LIN54: variants seen among roughly 807,000 people sequenced by gnomAD.
The protein encoded by LIN54 is protein lin-54 homolog.
A neutral mutation model predicts 78.7 loss-of-function variants in LIN54; 9 were observed. The observed-to-expected ratio is 0.11, with a 90% CI of 0.07 to 0.20. The LOEUF is 0.20. LIN54 is among the 10% of genes least tolerant of loss of function. The pLI, the probability that LIN54 is intolerant of heterozygous loss-of-function variation, is 1.00. For synonymous variants in LIN54, 269 were observed against 318.4 expected (o/e 0.84, Z 1.65); for missense variants, 573 against 889.9 (o/e 0.64, Z 4.53).
At chr4:82,931,744 C>T (rs550222912) in intron 11 of LIN54, among the ~76,000 whole-genome samples, 2 of 152,108 alleles carry the variant, frequency 1.3e-5, no homozygotes, top group Admixed American at 6.5e-5. Flanking sequence ...ATATAAAATC[C>T]TAGACCTTAT....
intron 3 of LIN54, among the ~76,000 whole-genome samples, chr4:82,971,521 T>C (rs1480308110): frequency 6.7e-6 from 1 of 150,316 alleles, no homozygotes; most frequent in Non-Finnish European, 1.5e-5. Context: ...TTTTTAAATT[T>C]TTTTTAAATT....
At chr4:82,945,666 G>C (rs1346711173) in intron 5 of LIN54, among the ~76,000 whole-genome samples, 2 of 151,902 alleles carry the variant, frequency 1.3e-5, no homozygotes, top group East Asian at 3.9e-4. Flanking sequence ...GCTAATTTTT[G>C]TATTTTTAGT....
chr4:83,002,206 G>GC (rs1728905037), intron 1 of LIN54, among the ~76,000 whole-genome samples: 1 of 151,626 alleles, frequency 6.6e-6, no homozygotes, highest in African/African-American at 2.4e-5. Context: ...TGAAGCTAAA[G>GC]CAAACAGTGA....
At chr4:83,000,494 G>C (rs1400549518) in intron 1 of LIN54, among the ~76,000 whole-genome samples, 1 of 152,176 alleles carries the variant, frequency 6.6e-6, no homozygotes, top group Non-Finnish European at 1.5e-5. Flanking sequence ...TCAGTGTTTT[G>C]TCCTTGAAGA....
intron 1 of LIN54, among the ~76,000 whole-genome samples, chr4:82,999,555 T>A (rs1728553736): frequency 6.6e-6 from 1 of 151,794 alleles, no homozygotes; most frequent in Non-Finnish European, 1.5e-5. Context: ...GGCAGGCAGA[T>A]CACTTGAGGT....
At chr4:82,947,233 A>ATTTTTTTTTTTT (rs1233101387) in intron 4 of LIN54, among the ~76,000 whole-genome samples, 22 of 16,852 alleles carry the variant, frequency 1.3e-3, no homozygotes, top group East Asian at 7.1e-3. Flanking sequence ...ATATATATAT[A>ATTTTTTTTTTTT]TATTTTTTTT....
intron 1 of LIN54, among the ~76,000 whole-genome samples, chr4:83,004,041 A>T (rs1729083010): frequency 6.6e-6 from 1 of 152,226 alleles, no homozygotes; most frequent in African/African-American, 2.4e-5. Flanking sequence ...TAAGAAAGAA[A>T]GACTTGCAGC....
At chr4:82,944,870 T>G (rs1475508162) in intron 5 of LIN54, 1 of 152,374 alleles carries the variant, frequency 6.6e-6, no homozygotes. Flanking sequence ...TGTTGTGTTT[T>G]GTTTTTTTTG....
chr4:82,975,172 A>C (rs1044179332), intron 3 of LIN54, among the ~76,000 whole-genome samples: 1 of 151,956 alleles, frequency 6.6e-6, no homozygotes. Flanking sequence ...AGCCTGGCCA[A>C]AATGGTGAAA....
intron 5 of LIN54, chr4:82,944,871 GT>G: frequency 1.3e-5 from 2 of 151,872 alleles, no homozygotes; most frequent in Non-Finnish European, 2.9e-5. Flanking sequence ...GTTGTGTTTT[GT>G]TTTTTTTGAG....
chr4:82,963,941 C>A (rs1472776299), intron 4 of LIN54, among the ~76,000 whole-genome samples: 1 of 152,026 alleles, frequency 6.6e-6, no homozygotes, highest in Non-Finnish European at 1.5e-5. Context: ...TACATTAATT[C>A]TAATAGTTCC....
upstream of LIN54, chr4:83,011,869 C>T: frequency 4.4e-6 from 1 of 225,166 alleles, no homozygotes; most frequent in East Asian, 1.8e-4. Context: ...AGTTAACCAT[C>T]CAAAAGCTGA....
intron 7 of LIN54, 145 bp from the exon 8 acceptor site, chr4:82,938,649 A>G (rs1722598319): frequency 1.7e-6 from 1 of 599,170 alleles, no homozygotes; most frequent in Non-Finnish European, 3.0e-6. Flanking sequence ...TACTTCACAG[A>G]GCTCTTTTAA....
chr4:82,961,811 C>T (rs905148833), intron 4 of LIN54, among the ~76,000 whole-genome samples: 8 of 152,126 alleles, frequency 5.3e-5, no homozygotes, highest in African/African-American at 1.9e-4. Context: ...AAAAATTAGC[C>T]AGGCTGTAGT....
chr4:82,969,311 T>C (rs531067854), intron 4 of LIN54, among the ~76,000 whole-genome samples: 24 of 152,338 alleles, frequency 1.6e-4, no homozygotes, highest in Admixed American at 5.9e-4. Context: ...TCTATGACCA[T>C]TGTAATTCTG....
intron 1 of LIN54, among the ~76,000 whole-genome samples, chr4:82,994,965 T>C (rs1379932715): frequency 2.0e-5 from 3 of 152,024 alleles, no homozygotes; most frequent in Non-Finnish European, 2.9e-5. Context: ...GACTCTCCCT[T>C]TGAACTAGGA....
Position 82,970,366 on chromosome 4 carries a change from T to G in LIN54, c.912A>C (p.Pro304=). ...TCAAAGGTGAGATGGCTATTTTATTTGGTGTCTGTGTTGTAGAATTTAAAG... is the reference window on the plus strand; with the variant it reads ...TCAAAGGTGAGATGGCTATTTTATTGGGTGTCTGTGTTGTAGAATTTAAAG... The part of the protein sequence containing the change: ...GSTLNSTTQT[P]NKIAISPLKS... Residue 304 remains proline, a synonymous_variant, in exon 4 of 13, where the codon CCA becomes CCC. Coordinates refer to ENST00000340417, the MANE Select transcript of LIN54 (RefSeq NM_194282.4). 1 of 1,611,910 alleles carries G rather than the reference T, an allele frequency of 6.2e-7. No individual in the cohort carries two copies. The highest frequency in any genetic ancestry group is 1.1e-5 in the South Asian group (1 of 90,372).
At chr4:82,945,328 A>G (rs979744144) in intron 5 of LIN54, among the ~76,000 whole-genome samples, 1 of 152,230 alleles carries the variant, frequency 6.6e-6, no homozygotes, top group Non-Finnish European at 1.5e-5. Context: ...CGATCCTTTC[A>G]TATCCCTCAA....
chr4:82,954,877 A>G (rs564124007), intron 4 of LIN54, among the ~76,000 whole-genome samples: 2 of 152,330 alleles, frequency 1.3e-5, no homozygotes, highest in Admixed American at 1.3e-4. Flanking sequence ...AGACCTAAAC[A>G]TAAAGTGCAA....
Sources: gnomAD v4.1 joint callset for allele counts (sites outside exome capture counted in the v4.1 genomes callset) on GRCh38, gnomAD v4.1.1 for gene constraint, MANE v1.5 for transcripts, NCBI Gene and HGNC (gene_info 2026-07-23, HGNC 2026-07-21) for gene names.